The following ATRNL1 variants were observed in gnomAD, a reference collection of about 807,000 sequenced individuals.
ATRNL1 encodes the protein attractin-like protein 1.
Under a neutral mutation model 182.7 loss-of-function variants are expected in ATRNL1, and 95 were observed. The ratio of observed to expected loss-of-function variants is 0.52; its 90% CI spans 0.44 to 0.62. The LOEUF (loss-of-function observed/expected upper bound fraction) is 0.62. Ranked by LOEUF, ATRNL1 falls within the 20% of genes least tolerant of loss-of-function variation. The probability of loss-of-function intolerance (pLI) is 0.00; values close to 1 mark genes in which losing one functional copy is unlikely to be tolerated. For synonymous variants in ATRNL1, 576 were observed against 568.3 expected, an observed-to-expected ratio of 1.01 and a Z score of -0.19; for missense variants, 1,471 against 1,679.5, an observed-to-expected ratio of 0.88 and a Z score of 2.17.
chr10:115,818,537 C>T (rs1415006662), intron 27 of ATRNL1, among the ~76,000 whole-genome samples: 8 of 152,036 alleles, frequency 5.3e-5, no homozygotes, highest in Admixed American at 2.0e-4. Flanking sequence ...TAATATGATG[C>T]GACTCTATTG....
At chr10:115,729,877 T>G (rs528549018) in intron 27 of ATRNL1, among the ~76,000 whole-genome samples, 1 of 152,102 alleles carries the variant, frequency 6.6e-6, no homozygotes, top group Non-Finnish European at 1.5e-5. Flanking sequence ...CTTTATTTGT[T>G]CTCCTTTACT....
intron 28 of ATRNL1, among the ~76,000 whole-genome samples, chr10:115,883,147 G>A (rs1238717449): frequency 6.6e-6 from 1 of 152,080 alleles, no homozygotes; most frequent in African/African-American, 2.4e-5. Context: ...CTGGACCCTG[G>A]ACAACTCTAT....
At position 115,727,256 on chromosome 10, in the gene ATRNL1, T is replaced by G; in HGVS notation, c.3804T>G (p.Leu1268=). 1 of 1,613,820 alleles carries G rather than the reference T, an allele frequency of 6.2e-7. No individual in the cohort carries two copies. The highest frequency in any genetic ancestry group is 8.5e-7 in the Non-Finnish European group (1 of 1,179,722). The change falls in exon 27 of 29, where the codon CTT becomes CTG. Residue 1268 remains leucine (L), a synonymous_variant. Transcript: ENST00000355044. ...CWASRRREQL[L]RERQQMASRP... Reference sequence around the variant, plus strand: ...TTTTTAACCCCCTCCAGCAACTGCTTCGAGAACGACAGCAGATGGCCAGCC... The same window carrying G: ...TTTTTAACCCCCTCCAGCAACTGCTGCGAGAACGACAGCAGATGGCCAGCC...
At chr10:115,260,282 TAAGAGTGAAACCC>T (rs1380104993) in intron 10 of ATRNL1, among the ~76,000 whole-genome samples, 1 of 152,226 alleles carries the variant, frequency 6.6e-6, no homozygotes, top group Non-Finnish European at 1.5e-5. Context: ...TATACATACT[TAAGAGTGAAACCC>T]TCTAGCTACC....
At chr10:115,591,272 A>G (rs941262376) in intron 26 of ATRNL1, among the ~76,000 whole-genome samples, 5 of 152,190 alleles carry the variant, frequency 3.3e-5, no homozygotes, top group Non-Finnish European at 7.3e-5. Context: ...ACAAGATAAC[A>G]TAGTATCAGA....
At chr10:115,359,702 G>A (rs551711148) in intron 19 of ATRNL1, among the ~76,000 whole-genome samples, 2 of 151,560 alleles carry the variant, frequency 1.3e-5, no homozygotes, top group East Asian at 3.9e-4. Flanking sequence ...AAATAAGGAA[G>A]AAAATGCAAT....
chr10:115,762,089 A>G (rs572773491), intron 27 of ATRNL1, among the ~76,000 whole-genome samples: 4 of 152,294 alleles, frequency 2.6e-5, no homozygotes, highest in Admixed American at 1.3e-4. Flanking sequence ...TTCTCTGAGC[A>G]CTTGCTCCAT....
intron 25 of ATRNL1, among the ~76,000 whole-genome samples, chr10:115,533,031 G>T (rs1851694898): frequency 6.6e-6 from 1 of 151,750 alleles, no homozygotes; most frequent in Admixed American, 6.6e-5. Context: ...TTTTATTGAG[G>T]ATTTTTGCAT....
intron 8 of ATRNL1, among the ~76,000 whole-genome samples, chr10:115,189,946 T>C (rs1554889528): frequency 6.6e-6 from 1 of 152,116 alleles, no homozygotes; most frequent in Non-Finnish European, 1.5e-5. Context: ...CACCACACTT[T>C]TACCATACCT....
intron 21 of ATRNL1, among the ~76,000 whole-genome samples, chr10:115,439,799 T>C (rs1412175560): frequency 6.6e-6 from 1 of 151,790 alleles, no homozygotes; most frequent in African/African-American, 2.4e-5. Flanking sequence ...AGTGGAGAGA[T>C]GTGAAGGAAG....
intron 26 of ATRNL1, among the ~76,000 whole-genome samples, chr10:115,672,489 A>T (rs538782982): frequency 5.1e-4 from 78 of 152,104 alleles, no homozygotes; most frequent in Non-Finnish European, 8.4e-4. Flanking sequence ...CATAATATAT[A>T]AAAAAAGTGG....
chr10:115,728,125 A>G (rs1315163210), intron 27 of ATRNL1, among the ~76,000 whole-genome samples: 1 of 70,582 alleles, frequency 1.4e-5, no homozygotes, highest in Non-Finnish European at 3.0e-5. Context: ...AAAAAAAAAA[A>G]AAGAAAAAAA....
chr10:115,229,738 A>G (rs1421620206), intron 9 of ATRNL1, among the ~76,000 whole-genome samples: 1 of 152,114 alleles, frequency 6.6e-6, no homozygotes, highest in Non-Finnish European at 1.5e-5. Flanking sequence ...TTAAAATCCC[A>G]TATTGATAAT....
At chr10:115,711,859 C>T (rs1332579008) in intron 26 of ATRNL1, among the ~76,000 whole-genome samples, 1 of 152,014 alleles carries the variant, frequency 6.6e-6, no homozygotes, top group African/African-American at 2.4e-5. Context: ...AATAAAATTC[C>T]AAAAACATAG....
intron 17 of ATRNL1, among the ~76,000 whole-genome samples, chr10:115,311,155 A>C (rs1255781198): frequency 6.7e-6 from 1 of 150,104 alleles, no homozygotes; most frequent in Non-Finnish European, 1.5e-5. Flanking sequence ...GTTTCATTCT[A>C]CTGTGGTCTG....
At chr10:115,663,486 A>G (rs1555038745) in intron 26 of ATRNL1, among the ~76,000 whole-genome samples, 1 of 152,084 alleles carries the variant, frequency 6.6e-6, no homozygotes. Flanking sequence ...ATTATGATTT[A>G]CAAGCATGTA....
At chr10:115,929,117 A>G (rs2134587113) in intron 28 of ATRNL1, among the ~76,000 whole-genome samples, 1 of 152,154 alleles carries the variant, frequency 6.6e-6, no homozygotes, top group East Asian at 1.9e-4. Context: ...TACTCATTTC[A>G]ACAAGGGGAA....
chr10:115,411,259 TTAAA>T (rs1310105456), intron 20 of ATRNL1, among the ~76,000 whole-genome samples: 2 of 150,372 alleles, frequency 1.3e-5, no homozygotes, highest in African/African-American at 4.8e-5. Context: ...ATTCAAATAT[TTAAA>T]TAAATTAAAT....
intron 24 of ATRNL1, among the ~76,000 whole-genome samples, chr10:115,498,025 T>C (rs1849639774): frequency 6.6e-6 from 1 of 152,014 alleles, no homozygotes; most frequent in African/African-American, 2.4e-5. Context: ...TTAGAAAGAG[T>C]CTTCTCAAAG....
Sources: gnomAD v4.1 joint callset for allele counts (sites outside exome capture counted in the v4.1 genomes callset) on GRCh38, gnomAD v4.1.1 for gene constraint, MANE v1.5 for transcripts, NCBI Gene and HGNC (gene_info 2026-07-23, HGNC 2026-07-21) for gene names.